The following MFSD6 variants were observed in gnomAD, a reference collection of about 807,000 sequenced individuals.
MFSD6 encodes major facilitator superfamily domain-containing protein 6.
A neutral mutation model predicts 56.3 loss-of-function variants in MFSD6; 26 were observed. The observed-to-expected ratio is 0.46, with a 90% CI of 0.34 to 0.64. The LOEUF (loss-of-function observed/expected upper bound fraction) is 0.64. MFSD6 is among the 30% of genes least tolerant of loss of function. The pLI is 0.01. For missense variants in MFSD6, 750 were observed against 986.2 expected, an observed-to-expected ratio of 0.76 and a Z score of 3.21; for synonymous variants, 331 against 366.9, an observed-to-expected ratio of 0.90 and a Z score of 1.12.
intron 1 of MFSD6, chr2:190,411,802 T>C: frequency 1.0e-6 from 1 of 985,430 alleles, no homozygotes; most frequent in Non-Finnish European, 1.2e-6. Context: ...TAGCATATTC[T>C]ACAACTCCTC....
In MFSD6 at chr2:190,447,967, G is replaced by C. The variant is rs573001669; in HGVS notation, c.1532+10406G>C. ...AGCTATTCATAGTTAAGAAGAAAAGGCCATTGTTGCAAAGTGGTATAAATG... is the reference window on the plus strand; with the variant it reads ...AGCTATTCATAGTTAAGAAGAAAAGCCCATTGTTGCAAAGTGGTATAAATG... On this transcript the variant is annotated intron_variant, in intron 3 of 7. Transcript: ENST00000392328. The surrounding 1 kb of genome is among the most constrained non-coding windows in gnomAD (Gnocchi z 4.5). Among the ~76,000 whole-genome samples, 7 of 152,238 alleles carry C rather than the reference G, an allele frequency of 4.6e-5. No individual in the cohort carries two copies. In the South Asian group the frequency reaches 1.5e-3, roughly 32 times the overall value.
At position 190,436,810 on chromosome 2, in the gene MFSD6, A is replaced by C. The variant is rs1482414388; in HGVS notation, c.781A>C (p.Thr261Pro). 6 of 1,614,162 alleles carry C rather than the reference A, an allele frequency of 3.7e-6. No homozygotes were observed. Among genetic ancestry groups the C allele is most frequent in the Non-Finnish European group, 5.1e-6 (6 of 1,180,030 alleles). Residue 261 changes from threonine (T) to proline (P), a missense_variant, in exon 3 of 8, where the codon ACT (threonine) becomes CCT (proline). Transcript: ENST00000392328. This position sits in a 1 kb window ranked among gnomAD's most constrained non-coding sequence, Gnocchi z 5.3. The part of the protein sequence containing the change: ...SPGSVTKETT[T>P]VIVTTTKSLP... ...AGGAAGCGTAACCAAGGAGACAACC[A>C]CTGTTATTGTTACCACCACCAAATC...
chr2:190,489,663 C>G lies in MFSD6; in HGVS notation c.1793-105C>G, dbSNP rs1002897630. ...CCAACTACTTTTCTCTGGTTTGTCT[C>G]AAGCTGTGCTTCCTTTGCTTTGATC... On this transcript the variant is annotated intron_variant, in intron 5 of 7. Coordinates refer to ENST00000392328, the MANE Select transcript of MFSD6 (RefSeq NM_017694.4). The surrounding 1 kb of genome is among the most constrained non-coding windows in gnomAD (Gnocchi z 6.6). 1.9e-6 allele frequency: 2 copies of G among 1,075,228 alleles called. No individual in the cohort carries two copies. Among genetic ancestry groups the G allele is most frequent in the Admixed American group, 2.6e-5 (1 of 38,866 alleles). The allele number at this position is 1,075,228 out of a possible 1,614,324, so 66.6% of individuals were successfully genotyped here. A position where few individuals can be genotyped will look rare whatever the true frequency, so the allele number is the denominator to read the frequency against.
chr2:190,476,314 A>G (rs1688306326), intron 4 of MFSD6, among the ~76,000 whole-genome samples: 1 of 152,230 alleles, frequency 6.6e-6, no homozygotes, highest in African/African-American at 2.4e-5. Context: ...CTCATCTGAC[A>G]AAGGGCTAAT....
intron 4 of MFSD6, among the ~76,000 whole-genome samples, chr2:190,476,254 A>G: frequency 6.6e-6 from 1 of 152,222 alleles, no homozygotes; most frequent in Non-Finnish European, 1.5e-5. Flanking sequence ...AGAAACTACC[A>G]TCAGAGTGAA....
Position 190,485,829 on chromosome 2 carries a change from T to C in MFSD6, c.1631-2828T>C, listed in dbSNP as rs916285752. Among the ~76,000 whole-genome samples the C allele has an allele frequency of 6.6e-6, 1 of 151,706 alleles. No homozygotes were observed. The highest frequency in any genetic ancestry group is 1.5e-5 in the Non-Finnish European group (1 of 67,944). On this transcript the variant is annotated intron_variant, in intron 4 of 7. Coordinates refer to ENST00000392328, the MANE Select transcript of MFSD6 (RefSeq NM_017694.4). The surrounding 1 kb of genome is among the most constrained non-coding windows in gnomAD (Gnocchi z 5.1). Reference sequence around the variant, plus strand: ...AAAAAAAAAAAAAACCTAGTTAAAATGATGACTGAAACATATATAAAACCT... The same window carrying C: ...AAAAAAAAAAAAAACCTAGTTAAAACGATGACTGAAACATATATAAAACCT...
chr2:190,455,377 T>A (rs116615082), intron 3 of MFSD6, among the ~76,000 whole-genome samples: 1,666 of 152,306 alleles, frequency 0.011, 12 homozygotes, highest in South Asian at 0.06. Flanking sequence ...TGATCACTAC[T>A]TTTTGTGTGT....
At position 190,494,062 on chromosome 2, in the gene MFSD6, A is replaced by T. The variant is rs551352770; in HGVS notation, c.1892-3377A>T. 9.9e-4 allele frequency among the ~76,000 whole-genome samples: 151 copies of T among 152,282 alleles called. No individual in the cohort carries two copies. The highest frequency in any genetic ancestry group is 3.4e-3 in the African/African-American group (143 of 41,580). ...AAAAAATACAAAAAATAAATGAAAC[A>T]AAAAGCTGGTTGTTTGAAAAGATAA... On this transcript the variant is annotated intron_variant, in intron 6 of 7. Coordinates refer to ENST00000392328, the MANE Select transcript of MFSD6 (RefSeq NM_017694.4). This position sits in a 1 kb window ranked among gnomAD's most constrained non-coding sequence, Gnocchi z 5.7.
In MFSD6 at chr2:190,451,716, G is replaced by C. The variant is rs900777692; in HGVS notation, c.1532+14155G>C. Among the ~76,000 whole-genome samples the C allele has an allele frequency of 2.6e-5, 4 of 152,192 alleles. No homozygotes were observed. The highest frequency in any genetic ancestry group is 1.9e-4 in the East Asian group (1 of 5,200). On this transcript the variant is annotated intron_variant, in intron 3 of 7. Transcript: ENST00000392328. The surrounding 1 kb of genome is among the most constrained non-coding windows in gnomAD (Gnocchi z 5.0). ...GCCCCCAGTGAAGATCTTGGGGACA[G>C]AGAAAACCACACATGTGAATGGCCA...
Position 190,417,440 on chromosome 2 carries a change from T to G in MFSD6, c.-54+2027T>G, listed in dbSNP as rs1446958068. On this transcript the variant is annotated intron_variant, in intron 2 of 7. Coordinates refer to ENST00000392328, the MANE Select transcript of MFSD6 (RefSeq NM_017694.4). This position sits in a 1 kb window ranked among gnomAD's most constrained non-coding sequence, Gnocchi z 5.7. ...TCCTGTTTGAACATTTAGCATAAGG[T>G]GTTGTGATTGTGTGTGCCCCCGTCT... Among the ~76,000 whole-genome samples, 1 of 152,018 alleles carries G rather than the reference T, an allele frequency of 6.6e-6. No homozygotes were observed. The highest frequency in any genetic ancestry group is 2.4e-5 in the African/African-American group (1 of 41,376).
intron 3 of MFSD6, among the ~76,000 whole-genome samples, chr2:190,452,353 A>G (rs977973557): frequency 1.3e-5 from 2 of 152,224 alleles, no homozygotes; most frequent in Non-Finnish European, 2.9e-5. Flanking sequence ...TAGTAATTAT[A>G]CTACCATTTG....
Position 190,438,157 on chromosome 2 carries a change from A to G in MFSD6, c.1532+596A>G, listed in dbSNP as rs1014104656. Among the ~76,000 whole-genome samples the G allele has an allele frequency of 6.6e-6, 1 of 152,004 alleles. No homozygotes were observed. The highest frequency in any genetic ancestry group is 1.5e-5 in the Non-Finnish European group (1 of 68,000). On this transcript the variant is annotated intron_variant, in intron 3 of 7. Transcript: ENST00000392328. This position sits in a 1 kb window ranked among gnomAD's most constrained non-coding sequence, Gnocchi z 5.2. ...CTGCATTTCTGTCCACCATGAAGAC[A>G]TAGGATATTTGAAAATCTTTCTTCC... is the stretch of plus-strand genomic sequence containing the variant.
chr2:190,488,582 A>G lies in MFSD6; in HGVS notation c.1631-75A>G. On this transcript the variant is annotated intron_variant, in intron 4 of 7. Coordinates refer to ENST00000392328, the MANE Select transcript of MFSD6 (RefSeq NM_017694.4). This position sits in a 1 kb window ranked among gnomAD's most constrained non-coding sequence, Gnocchi z 6.4. ...ATCTTAAAAATAGGTGCCTAGTTAA[A>G]TAATTCACATTTCAAAACAGAGTAG... The G allele has an allele frequency of 7.9e-7, 1 of 1,265,002 alleles. No homozygotes were observed. The highest frequency in any genetic ancestry group is 2.5e-5 in the South Asian group (1 of 40,736). 78.4% of individuals were successfully genotyped at this position (1,265,002 alleles called of 1,614,324 possible). A position where few individuals can be genotyped will look rare whatever the true frequency, so the allele number is the denominator to read the frequency against.
At chr2:190,445,283 A>G (rs769660203) in intron 3 of MFSD6, among the ~76,000 whole-genome samples, 102 of 152,298 alleles carry the variant, frequency 6.7e-4, no homozygotes, top group Non-Finnish European at 7.5e-4. Context: ...AGATGCTGTC[A>G]TTGTTAACTA....
chr2:190,476,887 A>C (rs1688351614), intron 4 of MFSD6, among the ~76,000 whole-genome samples: 1 of 152,114 alleles, frequency 6.6e-6, no homozygotes, highest in Non-Finnish European at 1.5e-5. Flanking sequence ...AAAAATGATG[A>C]GTTCATGTCC....
rs1686254960 is a variant in MFSD6 at position 190,438,473 on chromosome 2, A to C, written c.1532+912A>C. 6.6e-6 allele frequency among the ~76,000 whole-genome samples: 1 copy of C among 152,172 alleles called. No individual in the cohort carries two copies. Among genetic ancestry groups the C allele is most frequent in the Admixed American group, 6.5e-5 (1 of 15,274 alleles). ...AGAGGTTGCAGTGAGTCAAGATCAC[A>C]CCACTGCACACCAGCCTGGGCAACA... On this transcript the variant is annotated intron_variant, in intron 3 of 7. Transcript: ENST00000392328. The surrounding 1 kb of genome is among the most constrained non-coding windows in gnomAD (Gnocchi z 5.2).
At chr2:190,428,149 T>C (rs1399578551) in intron 2 of MFSD6, among the ~76,000 whole-genome samples, 1 of 152,214 alleles carries the variant, frequency 6.6e-6, no homozygotes, top group African/African-American at 2.4e-5. Context: ...ATTATGTTTG[T>C]GAGATTCATC....
chr2:190,424,272 T>G lies in MFSD6; in HGVS notation c.-54+8859T>G, dbSNP rs1180381324. 1.3e-5 allele frequency among the ~76,000 whole-genome samples: 2 copies of G among 152,008 alleles called. No homozygotes were observed. The highest frequency in any genetic ancestry group is 4.8e-5 in the African/African-American group (2 of 41,394). ...TTCTAAATGTTTTATAGTTTCAAAT[T>G]GTATAGTTAATGATCCATTTTGAGT... is the stretch of plus-strand genomic sequence containing the variant. On this transcript the variant is annotated intron_variant, in intron 2 of 7. Transcript: ENST00000392328. This position sits in a 1 kb window ranked among gnomAD's most constrained non-coding sequence, Gnocchi z 5.9.
rs888781912 is a variant in MFSD6, at chr2:190,495,764, T to C, written c.1892-1675T>C. Among the ~76,000 whole-genome samples the C allele has an allele frequency of 5.9e-5, 9 of 152,078 alleles. No individual in the cohort carries two copies. Among genetic ancestry groups the C allele is most frequent in the African/African-American group, 2.2e-4 (9 of 41,402 alleles). On this transcript the variant is annotated intron_variant, in intron 6 of 7. Transcript: ENST00000392328. The surrounding 1 kb of genome is among the most constrained non-coding windows in gnomAD (Gnocchi z 4.7). ...GGGAAAGGATACTCTATTCAACAAATGGTGCTGGGATAATTGGCAAGCCAC... is the reference window on the plus strand; with the variant it reads ...GGGAAAGGATACTCTATTCAACAAACGGTGCTGGGATAATTGGCAAGCCAC...
Sources: gnomAD v4.1 joint callset for allele counts (sites outside exome capture counted in the v4.1 genomes callset) on GRCh38, gnomAD v4.1.1 for gene constraint, Gnocchi (gnomAD v3.1) non-coding constraint, MANE v1.5 for transcripts, NCBI Gene and HGNC (gene_info 2026-07-23, HGNC 2026-07-21) for gene names.